ITPR2: variants seen among roughly 807,000 people sequenced by gnomAD.
ITPR2 encodes the protein inositol 1,4,5-trisphosphate-gated calcium channel ITPR2.
In ITPR2, 207 loss-of-function variants were observed where a neutral mutation model predicts 317.1. That is an observed-to-expected ratio of 0.65 (90% CI 0.58 to 0.73). ITPR2 has a LOEUF of 0.73. Among genes scored for constraint, ITPR2 ranks in the 30% least tolerant of loss-of-function variants. The pLI is 0.00. For missense variants in ITPR2, 2,613 were observed against 3,284.0 expected (o/e 0.80, Z 4.99); for synonymous variants, 1,156 against 1,149.1 (o/e 1.01, Z -0.12).
chr12:26,424,851 C>T (rs1267798428), intron 49 of ITPR2, among the ~76,000 whole-genome samples: 2 of 151,996 alleles, frequency 1.3e-5, no homozygotes, highest in African/African-American at 4.8e-5. Context: ...CCTCTACCTC[C>T]TGGGTTCAAG....
intron 26 of ITPR2, among the ~76,000 whole-genome samples, chr12:26,605,120 A>AAAATATAT (rs1465336732): frequency 1.5e-4 from 16 of 104,242 alleles, no homozygotes; most frequent in African/African-American, 3.5e-4. Context: ...AAAAATAAAA[A>AAAATATAT]ATAAAAATAT....
At chr12:26,585,171 T>C (rs1238017012) in intron 32 of ITPR2, among the ~76,000 whole-genome samples, 1 of 152,168 alleles carries the variant, frequency 6.6e-6, no homozygotes, top group East Asian at 1.9e-4. Context: ...ATGATTAACA[T>C]GTTGGAATTT....
intron 8 of ITPR2, 62 bp downstream of exon 8, chr12:26,715,237 G>A (rs1948716489): frequency 1.4e-6 from 2 of 1,395,578 alleles, no homozygotes; most frequent in East Asian, 2.3e-5. Flanking sequence ...AAAACAACAA[G>A]CCCAGTGAAT....
intron 1 of ITPR2, among the ~76,000 whole-genome samples, chr12:26,804,563 G>T (rs17482515): frequency 0.16 from 23,869 of 152,042 alleles, 2,604 homozygotes; most frequent in Non-Finnish European, 0.24. Flanking sequence ...TCTGATGGCT[G>T]AAAAGAGCTA....
intron 52 of ITPR2, among the ~76,000 whole-genome samples, chr12:26,407,983 T>C (rs1173839111): frequency 6.6e-6 from 1 of 152,162 alleles, no homozygotes; most frequent in Non-Finnish European, 1.5e-5. Context: ...CTCCCTCCTC[T>C]CGGCCTGACT....
chr12:26,396,482 C>T (rs1252024964), intron 54 of ITPR2, among the ~76,000 whole-genome samples: 1 of 152,200 alleles, frequency 6.6e-6, no homozygotes, highest in Non-Finnish European at 1.5e-5. Context: ...CTCTCTTCCA[C>T]AGGCCACCCC....
chr12:26,608,591 C>T (rs983281120), intron 26 of ITPR2, among the ~76,000 whole-genome samples: 7 of 151,468 alleles, frequency 4.6e-5, no homozygotes, highest in African/African-American at 1.7e-4. Flanking sequence ...AATTGAGGAG[C>T]TCCTCTGCTT....
intron 55 of ITPR2, among the ~76,000 whole-genome samples, chr12:26,354,294 G>A (rs1434011177): frequency 6.6e-6 from 1 of 151,916 alleles, no homozygotes; most frequent in Non-Finnish European, 1.5e-5. Context: ...AATAAAATCC[G>A]TTTTGGTAAA....
chr12:26,613,764 AAG>A (rs1043542500), intron 26 of ITPR2, among the ~76,000 whole-genome samples: 1 of 152,156 alleles, frequency 6.6e-6, no homozygotes, highest in Non-Finnish European at 1.5e-5. Context: ...TCAAAAGCAA[AAG>A]AGGGGAAAAA....
chr12:26,436,230 C>T lies in ITPR2; in HGVS notation c.6760G>A (p.Gly2254Arg). 1.3e-6 allele frequency: 2 copies of T among 1,594,600 alleles called. No individual in the cohort carries two copies. The highest frequency in any genetic ancestry group is 1.7e-6 in the Non-Finnish European group (2 of 1,173,928). The change falls in exon 48 of 57, where the codon GGA becomes AGA. Residue 2254 changes from glycine (G) to arginine (R), a missense_variant. This residue lies in a region of ITPR2 where 926 missense variants were observed against 1,072.8 expected (regional missense o/e 0.86). Transcript: ENST00000381340. ...VALFYPFGDD[G>R]DEGTLSPLFS... ...AAAAACGAGCACTTGCCTTCATCTC[C>T]ATCATCCCCAAATGGGTAGAAGAGA...
intron 12 of ITPR2, 77 bp downstream of exon 12, chr12:26,682,497 T>C (rs1948053213): frequency 2.5e-6 from 2 of 815,490 alleles, no homozygotes; most frequent in East Asian, 5.4e-5. Flanking sequence ...AAGGAACATG[T>C]GTCACACAGC....
At chr12:26,473,593 T>C (rs182897323) in intron 45 of ITPR2, among the ~76,000 whole-genome samples, 1 of 152,340 alleles carries the variant, frequency 6.6e-6, no homozygotes, top group East Asian at 1.9e-4. Context: ...ACCTTGCTTG[T>C]CTTCCTTGCC....
At chr12:26,393,768 C>T (rs1212772004) in intron 54 of ITPR2, among the ~76,000 whole-genome samples, 2 of 152,144 alleles carry the variant, frequency 1.3e-5, no homozygotes, top group Admixed American at 1.3e-4. Context: ...GCAATGTCAC[C>T]CTACATTCCT....
At chr12:26,605,151 G>A (rs548852676) in intron 26 of ITPR2, among the ~76,000 whole-genome samples, 6 of 143,044 alleles carry the variant, frequency 4.2e-5, no homozygotes, top group Admixed American at 2.8e-4. Flanking sequence ...ATGAGAAAGT[G>A]TTAAACTATA....
chr12:26,434,524 A>G (rs1941300850), intron 48 of ITPR2, among the ~76,000 whole-genome samples: 1 of 152,206 alleles, frequency 6.6e-6, no homozygotes, highest in East Asian at 1.9e-4. Flanking sequence ...AGCAGAGCCT[A>G]CATACATTGG....
intron 45 of ITPR2, among the ~76,000 whole-genome samples, chr12:26,473,696 A>C (rs145656477): frequency 6.6e-6 from 1 of 152,198 alleles, no homozygotes; most frequent in Non-Finnish European, 1.5e-5. Context: ...CTAGTAGCCA[A>C]TATGATTTTA....
intron 55 of ITPR2, among the ~76,000 whole-genome samples, chr12:26,380,281 C>T (rs974869249): frequency 6.6e-6 from 1 of 152,170 alleles, no homozygotes; most frequent in Non-Finnish European, 1.5e-5. Flanking sequence ...AAGATGTTAA[C>T]ATCTGTGCAA....
At chr12:26,773,577 G>A (rs917059005) in intron 2 of ITPR2, among the ~76,000 whole-genome samples, 31 of 152,118 alleles carry the variant, frequency 2.0e-4, no homozygotes, top group Admixed American at 2.6e-4. Flanking sequence ...CCAAAGCCAC[G>A]AATCACTCAA....
intron 54 of ITPR2, among the ~76,000 whole-genome samples, chr12:26,394,290 G>T (rs1204150819): frequency 6.6e-6 from 1 of 152,170 alleles, no homozygotes; most frequent in African/African-American, 2.4e-5. Context: ...TCTTTGATAT[G>T]AGAATGCATG....
Sources: gnomAD v4.1 joint callset for allele counts (sites outside exome capture counted in the v4.1 genomes callset) on GRCh38, gnomAD v4.1.1 for gene constraint, gnomAD v4.1.1 regional missense constraint, MANE v1.5 for transcripts, NCBI Gene and HGNC (gene_info 2026-07-23, HGNC 2026-07-21) for gene names.